TAS2R1: variants seen among roughly 807,000 people sequenced by gnomAD.
TAS2R1 encodes the protein taste 2 receptor member 1, also known as taste receptor type 2 member 1.
For missense variants in TAS2R1, 370 were observed against 353.4 expected (o/e 1.05, Z -0.38); for synonymous variants, 141 against 134.2 (o/e 1.05, Z -0.35).
chr5:9,702,261 T>C (rs1375636852), intron 1 of TAS2R1, among the ~76,000 whole-genome samples: 1 of 152,220 alleles, frequency 6.6e-6, no homozygotes, highest in Non-Finnish European at 1.5e-5. Flanking sequence ...ATTAAACTCT[T>C]ACTCTTCTAG....
intron 1 of TAS2R1, among the ~76,000 whole-genome samples, chr5:9,683,128 T>A (rs1214708903): frequency 6.6e-6 from 1 of 152,082 alleles, no homozygotes; most frequent in African/African-American, 2.4e-5. Context: ...CAAAACTTGT[T>A]TTTTTCCTGC....
chr5:9,875,536 T>A, the TAS2R1 span, among the ~76,000 whole-genome samples: 1 of 152,178 alleles, frequency 6.6e-6, no homozygotes, highest in Non-Finnish European at 1.5e-5. Flanking sequence ...TCCCACAGGT[T>A]CATCACACAG....
intron 1 of TAS2R1, among the ~76,000 whole-genome samples, chr5:9,672,946 A>G (rs907528041): frequency 2.0e-5 from 3 of 152,216 alleles, no homozygotes; most frequent in Non-Finnish European, 2.9e-5. Context: ...CATATACACC[A>G]TGGAATACTA....
At chr5:9,651,854 G>A (rs1323428453) in intron 2 of TAS2R1, among the ~76,000 whole-genome samples, 1 of 152,150 alleles carries the variant, frequency 6.6e-6, no homozygotes, top group Non-Finnish European at 1.5e-5. Flanking sequence ...AGATGGGAAA[G>A]TCATCTTCAG....
intron 2 of TAS2R1, among the ~76,000 whole-genome samples, chr5:9,643,496 CAGTG>C (rs1740126514): frequency 6.6e-6 from 1 of 152,114 alleles, no homozygotes; most frequent in African/African-American, 2.4e-5. Flanking sequence ...CTGGGTAAGT[CAGTG>C]AGTGAGAGGT....
the TAS2R1 span, among the ~76,000 whole-genome samples, chr5:9,876,812 C>A: frequency 6.6e-6 from 1 of 152,166 alleles, no homozygotes. Context: ...TGGGAGGGGA[C>A]TGCAAGGCCA....
the TAS2R1 span, among the ~76,000 whole-genome samples, chr5:9,811,421 T>G: frequency 2.0e-5 from 3 of 152,318 alleles, no homozygotes; most frequent in African/African-American, 7.2e-5. Flanking sequence ...TGAGGTCTGT[T>G]CATGAAGTGG....
chr5:9,886,186 C>G, the TAS2R1 span, among the ~76,000 whole-genome samples: 1 of 152,134 alleles, frequency 6.6e-6, no homozygotes, highest in African/African-American at 2.4e-5. Flanking sequence ...TGCATGCTGC[C>G]AAGCCCAGCT....
chr5:9,634,847 T>C (rs962745444), upstream of TAS2R1, among the ~76,000 whole-genome samples: 3 of 152,008 alleles, frequency 2.0e-5, no homozygotes, highest in African/African-American at 7.2e-5. Flanking sequence ...GCTTTTTTGA[T>C]ATGTCTTTAG....
At chr5:9,775,761 T>C in the TAS2R1 span, among the ~76,000 whole-genome samples, 66 of 152,116 alleles carry the variant, frequency 4.3e-4, 1 homozygote, top group East Asian at 0.012. Context: ...AATGGGGGCC[T>C]CAGGACTCTG....
chr5:9,688,307 C>A (rs963491838), intron 1 of TAS2R1, among the ~76,000 whole-genome samples: 19 of 151,962 alleles, frequency 1.3e-4, no homozygotes, highest in Non-Finnish European at 4.4e-5. Flanking sequence ...ATCCTCAGCG[C>A]TCCCCCCCTC....
the TAS2R1 span, among the ~76,000 whole-genome samples, chr5:9,723,822 C>A: frequency 6.6e-6 from 1 of 152,232 alleles, no homozygotes; most frequent in African/African-American, 2.4e-5. Flanking sequence ...GCTCTTTGCT[C>A]TCTTAGTCCT....
chr5:9,823,093 A>G, the TAS2R1 span, among the ~76,000 whole-genome samples: 6 of 152,050 alleles, frequency 3.9e-5, no homozygotes, highest in African/African-American at 1.4e-4. Flanking sequence ...GTTTTTCAAG[A>G]ATAACTATAA....
chr5:9,631,262 CAG>C (rs972026835), upstream of TAS2R1, among the ~76,000 whole-genome samples: 77 of 152,272 alleles, frequency 5.1e-4, no homozygotes, highest in African/African-American at 1.8e-3. Flanking sequence ...TCTTTAGAGA[CAG>C]AGTCTTGCTT....
At chr5:9,808,294 T>C in the TAS2R1 span, among the ~76,000 whole-genome samples, 1 of 152,204 alleles carries the variant, frequency 6.6e-6, no homozygotes, top group East Asian at 1.9e-4. Flanking sequence ...GTAATCCCTA[T>C]TATATAGTGG....
At chr5:9,826,571 T>C in the TAS2R1 span, among the ~76,000 whole-genome samples, 1 of 152,214 alleles carries the variant, frequency 6.6e-6, no homozygotes, top group Non-Finnish European at 1.5e-5. Context: ...TGAAATACAT[T>C]AATTAGTAAA....
chr5:9,863,823 C>T, the TAS2R1 span, among the ~76,000 whole-genome samples: 3 of 152,192 alleles, frequency 2.0e-5, no homozygotes, highest in African/African-American at 7.2e-5. Flanking sequence ...AGGGTGAACA[C>T]ACCCCTCCCC....
upstream of TAS2R1, among the ~76,000 whole-genome samples, chr5:9,633,690 T>C (rs1376698844): frequency 6.6e-6 from 1 of 152,082 alleles, no homozygotes; most frequent in Non-Finnish European, 1.5e-5. Context: ...TGTGTTTCCC[T>C]GATAATTAGT....
intron 1 of TAS2R1, among the ~76,000 whole-genome samples, chr5:9,672,396 C>T (rs1357163949): frequency 1.3e-5 from 2 of 148,994 alleles, no homozygotes; most frequent in Non-Finnish European, 3.0e-5. Flanking sequence ...TGACAAAGTT[C>T]TAATGTCCAG....
Sources: gnomAD v4.1 joint callset for allele counts (sites outside exome capture counted in the v4.1 genomes callset) on GRCh38, gnomAD v4.1.1 for gene constraint, MANE v1.5 for transcripts, NCBI Gene and HGNC (gene_info 2026-07-23, HGNC 2026-07-21) for gene names.